RPL35A: variants seen among roughly 807,000 people sequenced by gnomAD.
RPL35A encodes large ribosomal subunit protein eL33.
RPL35A carries 1 observed loss-of-function variant against 16.7 expected under a neutral mutation model. The ratio of observed to expected loss-of-function variants is 0.06; its 90% confidence interval spans 0.02 to 0.28. The LOEUF (loss-of-function observed/expected upper bound fraction) is 0.28, where lower values mean the gene tolerates loss of function less well. Ranked by LOEUF, RPL35A falls within the 10% of genes least tolerant of loss-of-function variation. The pLI is 1.00. For synonymous variants in RPL35A, 58 were observed against 47.0 expected (o/e 1.23, Z -0.96); for missense variants, 91 against 138.7 (o/e 0.66, Z 1.73).
chr3:197,953,766 T>C, intron 3 of RPL35A: 2 of 588,862 alleles, frequency 3.4e-6, no homozygotes, highest in South Asian at 4.0e-5. Flanking sequence ...TTCCTTAAAC[T>C]TACTTGGTTA....
At position 197,950,229 on chromosome 3, in the gene RPL35A, A is replaced by T; in HGVS notation, c.-33+8A>T. ...ATCTTGGCTCCTGTGGAGGTGAGTG[A>T]AGGGTCTGCTGCTGAAATTTGGGGG... On this transcript the variant is annotated splice_region_variant and intron_variant, in intron 1 of 4. Transcript: ENST00000647248. The T allele has an allele frequency of 8.1e-7, 1 of 1,231,092 alleles. No homozygotes were observed. Among genetic ancestry groups the T allele is most frequent in the Non-Finnish European group, 1.0e-6 (1 of 987,782 alleles). The allele number at this position is 1,231,092 out of a possible 1,614,324, so 76.3% of individuals were successfully genotyped here.
chr3:197,952,284 C>T (rs1175713675), intron 3 of RPL35A, among the ~76,000 whole-genome samples: 2 of 148,002 alleles, frequency 1.4e-5, no homozygotes, highest in Non-Finnish European at 3.0e-5. Flanking sequence ...ATTCTCCTGC[C>T]TTAGCCTCCT....
At chr3:197,952,194 C>G (rs540405108) in intron 3 of RPL35A, among the ~76,000 whole-genome samples, 8 of 94,190 alleles carry the variant, frequency 8.5e-5, no homozygotes, top group African/African-American at 3.0e-4. Context: ...TTTTTGGAGA[C>G]GGAGTCTCAC....
chr3:197,950,884 G>A, intron 1 of RPL35A, 52 bp from the exon 2 acceptor site: 1 of 1,577,650 alleles, frequency 6.3e-7, no homozygotes, highest in South Asian at 1.1e-5. Context: ...AGGGGACGAG[G>A]TGGGAAACTT....
Position 197,955,895 on chromosome 3 carries a change from T to C in RPL35A, c.*122T>C. On this transcript the variant is annotated 3_prime_UTR_variant, in exon 5 of 5. Transcript: ENST00000647248. ...AAAATGATAGAGGTTGCTCAGCATT[T>C]TTGGAGTACAAGGGGGTCAGAGAGA... The C allele has an allele frequency of 1.2e-6, 1 of 860,388 alleles. No homozygotes were observed. The highest frequency in any genetic ancestry group is 2.0e-6 in the Non-Finnish European group (1 of 511,244). The allele number at this position is 860,388 out of a possible 1,614,324, so 53.3% of individuals were successfully genotyped here. A position where few individuals can be genotyped will look rare whatever the true frequency, so the allele number is the denominator to read the frequency against.
Position 197,950,524 on chromosome 3 carries a change from G to A in RPL35A, c.-33+303G>A, listed in dbSNP as rs1719970821. 1.9e-5 allele frequency: 6 copies of A among 313,748 alleles called. No individual in the cohort carries two copies. In the South Asian group the frequency reaches 3.9e-4, roughly 20 times the overall value. The allele number at this position is 313,748 out of a possible 1,614,324, so 19.4% of individuals were successfully genotyped here. A position where few individuals can be genotyped will look rare whatever the true frequency, so the allele number is the denominator to read the frequency against. ...TGCTTCCTTCATCCGTTTCCTCCCAGTCCATACCTTCCTTGGCTTGTCTGA... is the reference window on the plus strand; with the variant it reads ...TGCTTCCTTCATCCGTTTCCTCCCAATCCATACCTTCCTTGGCTTGTCTGA... On this transcript the variant is annotated intron_variant, in intron 1 of 4. Transcript: ENST00000647248.
intron 3 of RPL35A, chr3:197,953,639 C>T (rs1720300462): frequency 6.8e-6 from 3 of 442,316 alleles, no homozygotes; most frequent in African/African-American, 2.0e-5. Context: ...GTGAGACCTT[C>T]CTTGGCTATT....
In RPL35A at chr3:197,950,385, G is replaced by A. The variant is rs892358375; in HGVS notation, c.-33+164G>A. The A allele has an allele frequency of 1.8e-5, 21 of 1,188,504 alleles. No homozygotes were observed. In the African/African-American group the frequency reaches 2.8e-4, roughly 16 times the overall value. 73.6% of individuals were successfully genotyped at this position (1,188,504 alleles called of 1,614,324 possible). A position where few individuals can be genotyped will look rare whatever the true frequency, so the allele number is the denominator to read the frequency against. ...GGATGGAGGAGATGTTGGGCTGATG[G>A]TGTTTGGTCCCCTGACACCCGGAGA... On this transcript the variant is annotated intron_variant, in intron 1 of 4. Coordinates refer to ENST00000647248, the MANE Select transcript of RPL35A (RefSeq NM_000996.4).
At chr3:197,955,155 A>G (rs1720427806) in intron 4 of RPL35A, among the ~76,000 whole-genome samples, 2 of 152,186 alleles carry the variant, frequency 1.3e-5, no homozygotes. Flanking sequence ...TCTTGGGGCC[A>G]GGGGGTACTG....
At chr3:197,950,745 C>A in intron 1 of RPL35A, 191 bp from the exon 2 acceptor site, 1 of 605,246 alleles carries the variant, frequency 1.7e-6, no homozygotes, top group South Asian at 2.1e-5. Flanking sequence ...GCTTAGATAC[C>A]AGCTGTTCTC....
At position 197,956,020 on chromosome 3, in the gene RPL35A, G is replaced by A; in HGVS notation, c.*247G>A. On this transcript the variant is annotated 3_prime_UTR_variant, in exon 5 of 5. Transcript: ENST00000647248. The stretch of plus-strand genomic sequence containing the variant: ...GTCTTGCTCTGTTGCCCATGCTGGA[G>A]TGTAGTGGTGCTCGCTGCAGCCTCA... 2.0e-6 allele frequency: 1 copy of A among 496,808 alleles called. No homozygotes were observed. Among genetic ancestry groups the A allele is most frequent in the Non-Finnish European group, 3.7e-6 (1 of 272,252 alleles). 30.8% of individuals were successfully genotyped at this position (496,808 alleles called of 1,614,324 possible).
Position 197,955,864 on chromosome 3 carries a change from A to G in RPL35A, c.*91A>G, listed in dbSNP as rs1720487858. On this transcript the variant is annotated 3_prime_UTR_variant, in exon 5 of 5. Coordinates refer to ENST00000647248, the MANE Select transcript of RPL35A (RefSeq NM_000996.4). The stretch of plus-strand genomic sequence containing the variant: ...TTACTACCTTAAATTGATTTGCTAC[A>G]TGCTTAAAATGATAGAGGTTGCTCA... The G allele has an allele frequency of 6.5e-6, 7 of 1,079,250 alleles. No individual in the cohort carries two copies. In the East Asian group the frequency reaches 1.2e-4, roughly 18 times the overall value. The allele number at this position is 1,079,250 out of a possible 1,614,324, so 66.9% of individuals were successfully genotyped here.
At chr3:197,950,694 T>A in intron 1 of RPL35A, 1 of 545,162 alleles carries the variant, frequency 1.8e-6, no homozygotes, top group Non-Finnish European at 3.2e-6. Context: ...GAGTCATTTT[T>A]GTGACTCCTG....
At chr3:197,950,423 G>T in intron 1 of RPL35A, 1 of 864,958 alleles carries the variant, frequency 1.2e-6, no homozygotes, top group Admixed American at 4.4e-5. Context: ...GGCTGCCCGG[G>T]TTATCCCAGT....
chr3:197,950,885 T>A, intron 1 of RPL35A, 51 bp from the exon 2 acceptor site: 1 of 1,582,602 alleles, frequency 6.3e-7, no homozygotes, highest in East Asian at 2.2e-5. Flanking sequence ...GGGGACGAGG[T>A]GGGAAACTTG....
chr3:197,955,717 C>T, intron 4 of RPL35A, 33 bp from the exon 5 acceptor site: 2 of 1,554,216 alleles, frequency 1.3e-6, no homozygotes, highest in African/African-American at 1.4e-5. Flanking sequence ...ATATAACATT[C>T]ACCTAATGTT....
intron 3 of RPL35A, chr3:197,953,619 G>A (rs1720299691): frequency 2.2e-6 from 1 of 458,064 alleles, no homozygotes; most frequent in Non-Finnish European, 4.4e-6. Context: ...TTTGTTCCAT[G>A]GTCACCTCAG....
In RPL35A at chr3:197,955,790, TA is replaced by T. The variant is rs1231965333; in HGVS notation, c.*20del. 1 of 1,589,406 alleles carries T rather than the reference TA, an allele frequency of 6.3e-7. No homozygotes were observed. Among genetic ancestry groups the T allele is most frequent in the Non-Finnish European group, 8.6e-7 (1 of 1,159,526 alleles). On this transcript the variant is annotated 3_prime_UTR_variant, in exon 5 of 5. Transcript: ENST00000647248. The stretch of plus-strand genomic sequence containing the variant: ...AGGATTTAAACTAACGAAAAATCAA[TA>T]AATAAATGTGGATTTGTGCTCTTGT...
intron 4 of RPL35A, chr3:197,954,412 C>T: frequency 4.0e-6 from 2 of 494,578 alleles, no homozygotes; most frequent in African/African-American, 1.9e-5. Flanking sequence ...CAGCTTATTG[C>T]AGCCTCGACC....
Sources: gnomAD v4.1 joint callset for allele counts (sites outside exome capture counted in the v4.1 genomes callset) on GRCh38, gnomAD v4.1.1 for gene constraint, MANE v1.5 for transcripts, NCBI Gene and HGNC (gene_info 2026-07-23, HGNC 2026-07-21) for gene names.